Variants in HIPK2 observed in about 807,000 individuals in gnomAD.
HIPK2 encodes homeodomain-interacting protein kinase 2.
HIPK2 carries 27 observed loss-of-function variants against 113.7 expected under a neutral mutation model. That is an observed-to-expected ratio of 0.24 (90% confidence interval 0.17 to 0.33). HIPK2 has a LOEUF of 0.33. HIPK2 is among the 10% of genes least tolerant of loss of function. The pLI, the probability that HIPK2 is intolerant of heterozygous loss-of-function variation, is 1.00. For synonymous variants in HIPK2, 631 were observed against 642.2 expected (o/e 0.98, Z 0.26); for missense variants, 1,257 against 1,588.0 (o/e 0.79, Z 3.54).
chr7:139,701,246 A>T (rs1794698284), intron 2 of HIPK2, among the ~76,000 whole-genome samples: 1 of 152,174 alleles, frequency 6.6e-6, no homozygotes. Context: ...CAACGTGTCC[A>T]CCTGGATTAG....
Position 139,777,593 on chromosome 7 carries a change from G to A in HIPK2, c.19+12C>T. 3 of 1,052,722 alleles carry A rather than the reference G, an allele frequency of 2.8e-6. No homozygotes were observed. The highest frequency in any genetic ancestry group is 3.4e-6 in the Non-Finnish European group (3 of 870,100). The allele number at this position is 1,052,722 out of a possible 1,614,324, so 65.2% of individuals were successfully genotyped here. Reference sequence around the variant, plus strand: ...GGCGGGCGCGGGGTCGGCGGGGCCGGGCGCCCCTTACCTTCGTACACGGGG... The same window carrying A: ...GGCGGGCGCGGGGTCGGCGGGGCCGAGCGCCCCTTACCTTCGTACACGGGG... On this transcript the variant is annotated intron_variant, in intron 1 of 14. Transcript: ENST00000406875.
chr7:139,584,346 C>T (rs1178534954), intron 12 of HIPK2, among the ~76,000 whole-genome samples: 2 of 152,178 alleles, frequency 1.3e-5, no homozygotes, highest in African/African-American at 4.8e-5. Flanking sequence ...CTGGGCTCTT[C>T]CTGTGCAGCA....
In HIPK2 at chr7:139,630,371, C is replaced by T. The variant is rs1417708251; in HGVS notation, c.1347+794G>A. Among the ~76,000 whole-genome samples, 1 of 152,114 alleles carries T rather than the reference C, an allele frequency of 6.6e-6. No homozygotes were observed. Among genetic ancestry groups the T allele is most frequent in the Non-Finnish European group, 1.5e-5 (1 of 68,016 alleles). ...CCATCACCCCAGCCGCCACCCCACA[C>T]TTCTATACTGGGCAAACCCGCTTCA... On this transcript the variant is annotated intron_variant, in intron 4 of 14. Coordinates refer to ENST00000406875, the MANE Select transcript of HIPK2 (RefSeq NM_022740.5). The surrounding 1 kb of genome is among the most constrained non-coding windows in gnomAD (Gnocchi z 4.0).
At chr7:139,737,051 T>G (rs1795958373) in intron 1 of HIPK2, among the ~76,000 whole-genome samples, 1 of 152,178 alleles carries the variant, frequency 6.6e-6, no homozygotes, top group Non-Finnish European at 1.5e-5. Context: ...CAAGCCCTTT[T>G]CATTCCGTTT....
At chr7:139,669,085 C>A (rs1802167051) in intron 2 of HIPK2, among the ~76,000 whole-genome samples, 3 of 152,206 alleles carry the variant, frequency 2.0e-5, no homozygotes, top group Admixed American at 2.0e-4. Flanking sequence ...GCCTTAAAAT[C>A]TCTTTCTCTG....
intron 2 of HIPK2, among the ~76,000 whole-genome samples, chr7:139,713,831 T>C (rs1795139648): frequency 6.6e-6 from 1 of 152,168 alleles, no homozygotes; most frequent in South Asian, 2.1e-4. Flanking sequence ...TAGCCCCCAA[T>C]GGGGCTGGTA....
intron 1 of HIPK2, among the ~76,000 whole-genome samples, chr7:139,748,268 T>G (rs1042392310): frequency 2.0e-5 from 3 of 152,164 alleles, no homozygotes; most frequent in Non-Finnish European, 4.4e-5. Context: ...CGATGGAAAC[T>G]TTAACCAAAG....
At chr7:139,745,366 T>A (rs993235287) in intron 1 of HIPK2, among the ~76,000 whole-genome samples, 3 of 152,074 alleles carry the variant, frequency 2.0e-5, no homozygotes, top group Non-Finnish European at 4.4e-5. Context: ...AGCATTCAAG[T>A]GTGAGGATAA....
intron 2 of HIPK2, among the ~76,000 whole-genome samples, chr7:139,636,380 TC>T (rs548592521): frequency 1.3e-5 from 2 of 151,932 alleles, no homozygotes; most frequent in Non-Finnish European, 2.9e-5. Flanking sequence ...TTGAATTGTG[TC>T]CCCCTAAAAG....
At chr7:139,774,028 G>A (rs1796697348) in intron 1 of HIPK2, among the ~76,000 whole-genome samples, 1 of 152,160 alleles carries the variant, frequency 6.6e-6, no homozygotes, top group African/African-American at 2.4e-5. Context: ...AAAGAATCTG[G>A]AAAGGTCACA....
chr7:139,768,700 G>A (rs533211627), intron 1 of HIPK2, among the ~76,000 whole-genome samples: 51 of 152,318 alleles, frequency 3.3e-4, no homozygotes, highest in South Asian at 4.1e-4. Context: ...AGGGGACCAC[G>A]AGAACCAGAA....
chr7:139,654,094 A>C (rs1174563315), intron 2 of HIPK2, among the ~76,000 whole-genome samples: 1 of 152,206 alleles, frequency 6.6e-6, no homozygotes, highest in East Asian at 1.9e-4. Flanking sequence ...ATTGAATGAT[A>C]AAGCAGCAAA....
chr7:139,774,744 G>A (rs1796711111), intron 1 of HIPK2, among the ~76,000 whole-genome samples: 1 of 152,164 alleles, frequency 6.6e-6, no homozygotes, highest in African/African-American at 2.4e-5. Context: ...AGAGACCTTG[G>A]TGGTTGGCCT....
chr7:139,668,126 CAA>C (rs35566561), intron 2 of HIPK2, among the ~76,000 whole-genome samples: 13 of 55,634 alleles, frequency 2.3e-4, no homozygotes, highest in Non-Finnish European at 2.2e-4. Flanking sequence ...AACTCCATCT[CAA>C]AAAAAAAAAA....
chr7:139,707,831 G>T (rs189347767), intron 2 of HIPK2, among the ~76,000 whole-genome samples: 11 of 152,300 alleles, frequency 7.2e-5, no homozygotes, highest in Admixed American at 7.2e-4. Flanking sequence ...GCTATCCATC[G>T]TAAGTCATGC....
chr7:139,663,860 C>T (rs374170365), intron 2 of HIPK2, among the ~76,000 whole-genome samples: 7 of 152,288 alleles, frequency 4.6e-5, no homozygotes, highest in South Asian at 2.1e-4. Flanking sequence ...CCTGCTTTCC[C>T]GAAGCCCACC....
chr7:139,732,326 G>A (rs957518386), intron 1 of HIPK2, among the ~76,000 whole-genome samples: 1 of 152,150 alleles, frequency 6.6e-6, no homozygotes, highest in African/African-American at 2.4e-5. Context: ...TTTCTACTGT[G>A]AGTCACTGTC....
chr7:139,652,373 T>C (rs1801494749), intron 2 of HIPK2, among the ~76,000 whole-genome samples: 3 of 152,236 alleles, frequency 2.0e-5, no homozygotes, highest in Admixed American at 6.5e-5. Flanking sequence ...GGGGACATGA[T>C]TGGATTATTG....
At chr7:139,737,933 A>T (rs1275979922) in intron 1 of HIPK2, among the ~76,000 whole-genome samples, 3 of 152,250 alleles carry the variant, frequency 2.0e-5, no homozygotes, top group African/African-American at 7.2e-5. Context: ...TCAACCAGTG[A>T]CAAAAGCATT....
Sources: allele counts gnomAD v4.1 joint callset (sites outside exome capture counted in the v4.1 genomes callset), GRCh38; gene constraint gnomAD v4.1.1; non-coding constraint Gnocchi (gnomAD v3.1); transcripts MANE v1.5; gene names NCBI Gene and HGNC (gene_info 2026-07-23, HGNC 2026-07-21).